Variants in PYROXD2 observed in about 807,000 individuals in gnomAD.
The protein encoded by PYROXD2 is pyridine nucleotide-disulfide oxidoreductase domain-containing protein 2.
In PYROXD2, 69 loss-of-function variants were observed where a neutral mutation model predicts 71.1. That is an observed-to-expected ratio of 0.97 (90% CI 0.80 to 1.19). PYROXD2 has a LOEUF of 1.19. Ranked by LOEUF, PYROXD2 falls within the 50% of genes most tolerant of loss-of-function variation. PYROXD2 has a pLI of 0.00. For synonymous variants in PYROXD2, 287 were observed against 302.7 expected (o/e 0.95, Z 0.54); for missense variants, 745 against 748.9 (o/e 0.99, Z 0.06).
At chr10:98,399,654 G>A (rs1843320938) in intron 5 of PYROXD2, among the ~76,000 whole-genome samples, 1 of 152,214 alleles carries the variant, frequency 6.6e-6, no homozygotes, top group Middle Eastern at 3.2e-3. Flanking sequence ...GAACTCTCCT[G>A]TCCTAAGTTC....
chr10:98,387,656 G>A (rs1275271455), intron 13 of PYROXD2, among the ~76,000 whole-genome samples: 12 of 120,934 alleles, frequency 9.9e-5, no homozygotes, highest in South Asian at 5.3e-4. Context: ...TTTTTGAGAC[G>A]GAGTCTCACT....
chr10:98,383,819 A>G lies in PYROXD2; in HGVS notation c.1725T>C (p.Phe575=), dbSNP rs1842663442. The change falls in exon 16 of 16, where the codon TTT becomes TTC. Residue 575 remains phenylalanine, a synonymous_variant. Transcript: ENST00000370575. ...AGGGTCACATGCTCTTGAGGTCCCT[A>G]AAGGCCACATGTGCTGCATTTCGCC... ...AAGRNAAHVA[F]RDLKSM is the part of the protein sequence containing the mutation. The G allele has an allele frequency of 1.9e-6, 3 of 1,614,084 alleles. No homozygotes were observed. In the East Asian group the frequency reaches 6.7e-5, roughly 36 times the overall value.
intron 2 of PYROXD2, among the ~76,000 whole-genome samples, chr10:98,409,127 G>A (rs79308507): frequency 0.018 from 2,806 of 152,308 alleles, 84 homozygotes; most frequent in African/African-American, 0.062. Context: ...ACACAGGAAC[G>A]ATCTCACAGA....
At chr10:98,411,003 G>T (rs774462787) in intron 1 of PYROXD2, 45 bp from the exon 2 acceptor site, 2 of 1,554,530 alleles carry the variant, frequency 1.3e-6, no homozygotes, top group Admixed American at 2.0e-5. Context: ...CTGGTCAGCG[G>T]GCGGGCAGAC....
At chr10:98,409,716 G>A (rs776377088) in intron 2 of PYROXD2, among the ~76,000 whole-genome samples, 2 of 152,154 alleles carry the variant, frequency 1.3e-5, no homozygotes, top group East Asian at 1.9e-4. Context: ...ACCGTGACTC[G>A]GAGAGGCTAA....
chr10:98,395,494 C>A (rs755340905), intron 6 of PYROXD2, 42 bp from the exon 7 acceptor site: 1 of 1,569,184 alleles, frequency 6.4e-7, no homozygotes, highest in Non-Finnish European at 8.8e-7. Flanking sequence ...AAACAGGTGA[C>A]AGGGAAACCC....
Position 98,404,558 on chromosome 10 carries a change from CA to C in PYROXD2, c.315+3023del. Reference sequence around the variant, plus strand: ...ATTATGAAGCTTTTTTCTTAAAAAACAGAAAAAAAACCCAAAAAAACAAAAT... The same window carrying C: ...ATTATGAAGCTTTTTTCTTAAAAAACGAAAAAAAACCCAAAAAAACAAAAT... On this transcript the variant is annotated intron_variant, in intron 4 of 15. Transcript: ENST00000370575. Among the ~76,000 whole-genome samples the C allele has an allele frequency of 1.3e-5, 2 of 151,792 alleles. 1 individual carries two copies. Among genetic ancestry groups the C allele is most frequent in the Non-Finnish European group, 2.9e-5 (2 of 67,946 alleles).
Position 98,410,152 on chromosome 10 carries a change from C to T in PYROXD2, c.147+787G>A, listed in dbSNP as rs183008453. Among the ~76,000 whole-genome samples the T allele has an allele frequency of 3.7e-3, 560 of 152,274 alleles. 1 individual carries two copies. The highest frequency in any genetic ancestry group is 6.0e-3 in the Non-Finnish European group (409 of 68,022). On this transcript the variant is annotated intron_variant, in intron 2 of 15. Coordinates refer to ENST00000370575, the MANE Select transcript of PYROXD2 (RefSeq NM_032709.3). Reference sequence around the variant, plus strand: ...ATCCATTGAGTTACAAAATGCCGCACGTAAAATGTTCAAGTAAAACTTAGA... The same window carrying T: ...ATCCATTGAGTTACAAAATGCCGCATGTAAAATGTTCAAGTAAAACTTAGA...
intron 13 of PYROXD2, chr10:98,388,148 G>A (rs1337222948): frequency 5.1e-6 from 3 of 584,532 alleles, no homozygotes; most frequent in Non-Finnish European, 9.2e-6. Flanking sequence ...CAACTGGAGG[G>A]CAGGAACTGT....
intron 13 of PYROXD2, 192 bp downstream of exon 13, chr10:98,388,159 GTCT>G: frequency 1.7e-6 from 1 of 599,294 alleles, no homozygotes; most frequent in South Asian, 2.0e-5. Context: ...CAGGAACTGT[GTCT>G]TCTTGACTTT....
chr10:98,406,755 T>A (rs1260043731), intron 4 of PYROXD2, among the ~76,000 whole-genome samples: 1 of 151,614 alleles, frequency 6.6e-6, no homozygotes, highest in Admixed American at 6.6e-5. Flanking sequence ...TTGCCTGGCG[T>A]GGTGGTAGCG....
intron 2 of PYROXD2, among the ~76,000 whole-genome samples, chr10:98,409,464 C>T (rs1388146299): frequency 6.6e-6 from 1 of 152,202 alleles, no homozygotes; most frequent in Non-Finnish European, 1.5e-5. Context: ...ACTGAGGCAA[C>T]CCGAGGTTCC....
chr10:98,393,545 T>C (rs1843028264), intron 8 of PYROXD2, among the ~76,000 whole-genome samples: 1 of 152,154 alleles, frequency 6.6e-6, no homozygotes, highest in South Asian at 2.1e-4. Flanking sequence ...GCTACCATCC[T>C]TCCCCATCTA....
chr10:98,390,592 C>A lies in PYROXD2; in HGVS notation c.1292+6G>T, dbSNP rs753561210. Reference sequence around the variant, plus strand: ...CATCAGGGAACATAAAGTCCAGGGCCCCTACCTGTGGGAAGGCAGGCCATC... The same window carrying A: ...CATCAGGGAACATAAAGTCCAGGGCACCTACCTGTGGGAAGGCAGGCCATC... On this transcript the variant is annotated splice_donor_region_variant and intron_variant, in intron 12 of 15. Transcript: ENST00000370575. 1 of 1,583,016 alleles carries A rather than the reference C, an allele frequency of 6.3e-7. No individual in the cohort carries two copies. Among genetic ancestry groups the A allele is most frequent in the Admixed American group, 1.8e-5 (1 of 56,392 alleles).
intron 2 of PYROXD2, among the ~76,000 whole-genome samples, chr10:98,410,252 A>G (rs1843740608): frequency 6.6e-6 from 1 of 152,190 alleles, no homozygotes; most frequent in South Asian, 2.1e-4. Flanking sequence ...GATGTTCTAG[A>G]GCTGCTGCTG....
intron 2 of PYROXD2, among the ~76,000 whole-genome samples, chr10:98,408,537 G>A (rs1338828088): frequency 2.6e-5 from 4 of 151,312 alleles, no homozygotes; most frequent in South Asian, 4.2e-4. Flanking sequence ...TCATAAGGCT[G>A]CTGTGAAGAT....
At chr10:98,397,303 G>C (rs1210929602) in intron 6 of PYROXD2, 42 bp downstream of exon 6, 1 of 1,526,790 alleles carries the variant, frequency 6.5e-7, no homozygotes, top group Admixed American at 1.9e-5. Context: ...TCACCTCCTT[G>C]AAGGTCACTC....
At position 98,392,953 on chromosome 10, in the gene PYROXD2, AG is replaced by A. The variant is rs779509044; in HGVS notation, c.915del (p.Phe306SerfsTer11). ...GAGGGGCCGTTCACCTTTTCAGTGAAGATGCTTGCTCCATGTGTGGTGGCTG... is the reference window on the plus strand; with the variant it reads ...GAGGGGCCGTTCACCTTTTCAGTGAAATGCTTGCTCCATGTGTGGTGGCTG... ...ASSATTHGAS[I>X]FTEKTVAKVQ... On this transcript the variant is annotated frameshift_variant, in exon 9 of 16. Transcript: ENST00000370575. LOFTEE classifies it high-confidence loss of function. 1.2e-5 allele frequency: 20 copies of A among 1,613,886 alleles called. No homozygotes were observed. Among genetic ancestry groups the A allele is most frequent in the Non-Finnish European group, 1.6e-5 (19 of 1,179,866 alleles).
Position 98,397,186 on chromosome 10 carries a change from A to G in PYROXD2, c.625+159T>C, listed in dbSNP as rs138106441. ...GGCATATCAGCCTAAGATGCTCTCA[A>G]CAAAGTGCTCCAGGCTGCCCCTAAT... On this transcript the variant is annotated intron_variant, in intron 6 of 15. Transcript: ENST00000370575. Among the ~76,000 whole-genome samples the G allele has an allele frequency of 6.2e-3, 943 of 152,338 alleles. 3 individuals are homozygous for G. Among genetic ancestry groups the G allele is most frequent in the Non-Finnish European group, 0.01 (695 of 68,030 alleles).
Sources: gnomAD v4.1 joint callset for allele counts (sites outside exome capture counted in the v4.1 genomes callset) on GRCh38, gnomAD v4.1.1 for gene constraint, MANE v1.5 for transcripts, NCBI Gene and HGNC (gene_info 2026-07-23, HGNC 2026-07-21) for gene names.